AUTS2: variants seen among roughly 807,000 people sequenced by gnomAD.
AUTS2 encodes the protein autism susceptibility gene 2 protein.
In AUTS2, 17 loss-of-function variants were observed where a neutral mutation model predicts 112.4. The ratio of observed to expected loss-of-function variants is 0.15; its 90% confidence interval spans 0.10 to 0.23. The LOEUF (loss-of-function observed/expected upper bound fraction) is 0.23, where lower values mean the gene tolerates loss of function less well. AUTS2 is among the 10% of genes least tolerant of loss of function. The pLI is 1.00. For synonymous variants in AUTS2, 751 were observed against 702.7 expected (o/e 1.07, Z -1.09); for missense variants, 1,510 against 1,701.6 (o/e 0.89, Z 1.98).
At chr7:70,731,420 C>CTTTTTTTTTT (rs56244002) in intron 6 of AUTS2, among the ~76,000 whole-genome samples, 5 of 69,508 alleles carry the variant, frequency 7.2e-5, no homozygotes, top group South Asian at 6.9e-4. Context: ...TTACCCAGAT[C>CTTTTTTTTTT]TTTTTTTTTT....
chr7:69,992,367 C>T (rs1798774735), intron 2 of AUTS2, among the ~76,000 whole-genome samples: 1 of 152,156 alleles, frequency 6.6e-6, no homozygotes, highest in South Asian at 2.1e-4. Context: ...ACTTTACAGA[C>T]TGGCAAGAGT....
At chr7:69,807,478 G>T (rs1245452412) in intron 1 of AUTS2, among the ~76,000 whole-genome samples, 1 of 152,030 alleles carries the variant, frequency 6.6e-6, no homozygotes, top group Non-Finnish European at 1.5e-5. Context: ...AGGAGTAAAG[G>T]TACTTGTCAG....
chr7:70,634,083 C>T (rs1322673578), intron 5 of AUTS2, among the ~76,000 whole-genome samples: 1 of 152,050 alleles, frequency 6.6e-6, no homozygotes, highest in African/African-American at 2.4e-5. Flanking sequence ...GTACGAGAAA[C>T]ATCAGTGAAC....
Position 70,118,134 on chromosome 7 carries a change from C to T in AUTS2, c.525C>T (p.Leu175=), listed in dbSNP as rs535650315. 69 of 1,579,234 alleles carry T rather than the reference C, an allele frequency of 4.4e-5. 1 individual carries two copies. The South Asian group carries it at 6.2e-4, about 14-fold the overall frequency. The change falls in exon 3 of 19, where the codon CTC becomes CTT. Residue 175 remains leucine (L), a splice_region_variant and synonymous_variant. Coordinates refer to ENST00000342771, the MANE Select transcript of AUTS2 (RefSeq NM_015570.4). The stretch of plus-strand genomic sequence containing the variant: ...TTTCTCTTTTCTTTTGCCTTTAGCT[C>T]AAGCCAGGACAGAACAGCTGCAGGG... ...RKKMPKALRQ[L]KPGQNSCRDS... is the part of the protein sequence containing the mutation.
chr7:70,784,396 G>A (rs986304480), intron 15 of AUTS2: 1 of 152,338 alleles, frequency 6.6e-6, no homozygotes, highest in African/African-American at 2.4e-5. Flanking sequence ...TGGGTTTCTG[G>A]AAGTGTTTCT....
chr7:70,742,633 G>A (rs888235139), intron 6 of AUTS2, among the ~76,000 whole-genome samples: 11 of 152,002 alleles, frequency 7.2e-5, no homozygotes, highest in East Asian at 5.8e-4. Flanking sequence ...GTGGTGGCGC[G>A]TGCCTGTAAT....
At chr7:69,928,005 G>C (rs1796089046) in intron 2 of AUTS2, among the ~76,000 whole-genome samples, 1 of 152,228 alleles carries the variant, frequency 6.6e-6, no homozygotes. Context: ...CATCTGGCAG[G>C]TCCCAAGTTC....
intron 4 of AUTS2, among the ~76,000 whole-genome samples, chr7:70,187,943 C>T (rs1167383533): frequency 1.3e-5 from 2 of 152,068 alleles, no homozygotes; most frequent in Non-Finnish European, 2.9e-5. Flanking sequence ...ATGACTTACC[C>T]ATTTATCTAA....
intron 2 of AUTS2, among the ~76,000 whole-genome samples, chr7:69,920,320 T>A (rs2129542753): frequency 6.6e-6 from 1 of 151,718 alleles, no homozygotes; most frequent in South Asian, 2.1e-4. Flanking sequence ...AGAGAGGGGG[T>A]CTTGCTTTGT....
chr7:70,615,177 C>A (rs1013582179), intron 5 of AUTS2, among the ~76,000 whole-genome samples: 1 of 152,142 alleles, frequency 6.6e-6, no homozygotes, highest in African/African-American at 2.4e-5. Context: ...GTTCCGTCTT[C>A]TGTAGTTGGA....
intron 5 of AUTS2, among the ~76,000 whole-genome samples, chr7:70,658,813 G>A (rs1207259210): frequency 6.6e-6 from 1 of 152,144 alleles, no homozygotes; most frequent in Non-Finnish European, 1.5e-5. Context: ...AATCCGTCAT[G>A]GATAAAATCC....
intron 5 of AUTS2, among the ~76,000 whole-genome samples, chr7:70,461,801 C>T (rs1192644459): frequency 2.0e-5 from 3 of 152,074 alleles, no homozygotes; most frequent in East Asian, 1.9e-4. Flanking sequence ...CAGGGTCCTC[C>T]GTGGCACCTG....
chr7:70,095,823 G>A (rs1171378056), intron 2 of AUTS2, among the ~76,000 whole-genome samples: 2 of 152,108 alleles, frequency 1.3e-5, no homozygotes, highest in Non-Finnish European at 2.9e-5. Context: ...CATTTACGAG[G>A]AATAAACTGG....
At chr7:70,377,059 A>G (rs1350984328) in intron 4 of AUTS2, among the ~76,000 whole-genome samples, 1 of 151,564 alleles carries the variant, frequency 6.6e-6, no homozygotes, top group Non-Finnish European at 1.5e-5. Flanking sequence ...TTTTGCCTCA[A>G]TTAGAATACT....
chr7:70,150,255 C>G (rs570658180), intron 4 of AUTS2, among the ~76,000 whole-genome samples: 1 of 152,048 alleles, frequency 6.6e-6, no homozygotes, highest in Non-Finnish European at 1.5e-5. Flanking sequence ...TAGAACAAAA[C>G]TCCTTTAGTC....
chr7:69,701,751 T>G (rs7777269), intron 1 of AUTS2, among the ~76,000 whole-genome samples: 11,610 of 152,244 alleles, frequency 0.076, 600 homozygotes, highest in African/African-American at 0.14. Context: ...TAAAAGAGCT[T>G]GAGGTATTAT....
intron 1 of AUTS2, among the ~76,000 whole-genome samples, chr7:69,757,463 G>T (rs1255512763): frequency 6.6e-6 from 1 of 152,114 alleles, no homozygotes. Context: ...TTCTGTTTGG[G>T]CAGGGTTTTG....
At chr7:70,387,706 C>T (rs1035092295) in intron 4 of AUTS2, among the ~76,000 whole-genome samples, 1 of 152,160 alleles carries the variant, frequency 6.6e-6, no homozygotes, top group Non-Finnish European at 1.5e-5. Flanking sequence ...GCCAAGATGA[C>T]AAGCCATCAT....
chr7:70,419,299 CAG>C (rs1795115996), intron 4 of AUTS2, among the ~76,000 whole-genome samples: 1 of 152,098 alleles, frequency 6.6e-6, no homozygotes, highest in Admixed American at 6.6e-5. Flanking sequence ...TAGGTTAGTG[CAG>C]AGAGTTAGAA....
Sources: allele counts gnomAD v4.1 joint callset (sites outside exome capture counted in the v4.1 genomes callset), GRCh38; gene constraint gnomAD v4.1.1; transcripts MANE v1.5; gene names NCBI Gene and HGNC (gene_info 2026-07-23, HGNC 2026-07-21).